Variants in TBP observed in about 807,000 individuals in gnomAD.
TBP encodes TATA-box binding protein, also known as TATA-box-binding protein.
In TBP, 12 loss-of-function variants were observed where a neutral mutation model predicts 46.2. The observed-to-expected ratio is 0.26, with a 90% CI of 0.17 to 0.42. TBP has a LOEUF of 0.42. TBP is among the 10% of genes least tolerant of loss of function. The pLI, the probability that TBP is intolerant of heterozygous loss-of-function variation, is 1.00. For missense variants in TBP, 229 were observed against 403.1 expected (o/e 0.57, Z 3.70); for synonymous variants, 157 against 148.3 (o/e 1.06, Z -0.42).
chr6:170,570,500 C>G (rs748739331), intron 6 of TBP, among the ~76,000 whole-genome samples: 19 of 152,166 alleles, frequency 1.2e-4, no homozygotes, highest in African/African-American at 1.9e-4. Flanking sequence ...TGTTTTCAGT[C>G]TCTCCGAACT....
At chr6:170,555,852 A>G (rs117097771) in intron 1 of TBP, among the ~76,000 whole-genome samples, 6,157 of 152,290 alleles carry the variant, frequency 0.04, 157 homozygotes, top group Middle Eastern at 0.085. Context: ...TACCCTTCAT[A>G]TTGAACACTT....
Position 170,571,539 on chromosome 6 carries a change from G to T in TBP, c.940+35G>T, listed in dbSNP as rs61486120. 4,669 of 1,516,600 alleles carry T rather than the reference G, an allele frequency of 3.1e-3. 78 individuals carry two copies. The African/African-American group carries it at 0.045, about 15-fold the overall frequency. 93.9% of individuals were successfully genotyped at this position (1,516,600 alleles called of 1,614,324 possible). On this transcript the variant is annotated intron_variant, in intron 7 of 7. Coordinates refer to ENST00000392092, the MANE Select transcript of TBP (RefSeq NM_003194.5). ...AACAGGAAGTAGTATCTGAAAGTTT[G>T]TAAGTGTTTTGAGTATGGCATTTTC... is the stretch of plus-strand genomic sequence containing the variant.
Position 170,556,912 on chromosome 6 carries a change from C to T in TBP, c.-118C>T. 1 of 923,442 alleles carries T rather than the reference C, an allele frequency of 1.1e-6. No individual in the cohort carries two copies. The highest frequency in any genetic ancestry group is 1.7e-6 in the Non-Finnish European group (1 of 581,354). 57.2% of individuals were successfully genotyped at this position (923,442 alleles called of 1,614,324 possible). ...CTGTTTCTTGGCGTGTGAAGATAACCCAAGGAATTGAGGAAGTTGCTGAGA... is the reference window on the plus strand; with the variant it reads ...CTGTTTCTTGGCGTGTGAAGATAACTCAAGGAATTGAGGAAGTTGCTGAGA... On this transcript the variant is annotated 5_prime_UTR_variant, in exon 2 of 8. Transcript: ENST00000392092.
chr6:170,559,165 C>T (rs1315870519), intron 2 of TBP, among the ~76,000 whole-genome samples: 1 of 152,118 alleles, frequency 6.6e-6, no homozygotes, highest in Non-Finnish European at 1.5e-5. Context: ...TTCCTTGAGA[C>T]ACAACAATAT....
chr6:170,558,613 G>A (rs1175179192), intron 2 of TBP, among the ~76,000 whole-genome samples: 1 of 151,732 alleles, frequency 6.6e-6, no homozygotes, highest in Admixed American at 6.6e-5. Context: ...CTTGGGGTTA[G>A]ATTTTGGTAA....
At chr6:170,572,122 C>T in intron 7 of TBP, 64 bp from the exon 8 acceptor site, 1 of 1,273,320 alleles carries the variant, frequency 7.9e-7, no homozygotes, top group Non-Finnish European at 1.1e-6. Context: ...AAGAATTTTA[C>T]CATCTTAATA....
intron 3 of TBP, among the ~76,000 whole-genome samples, chr6:170,562,455 G>T (rs1038267869): frequency 2.0e-5 from 3 of 152,284 alleles, no homozygotes; most frequent in Non-Finnish European, 4.4e-5. Context: ...GTGGTCATTT[G>T]TGTTTACATA....
chr6:170,564,732 T>C lies in TBP; in HGVS notation c.585+100T>C, dbSNP rs1779212214. 15 of 742,552 alleles carry C rather than the reference T, an allele frequency of 2.0e-5. No homozygotes were observed. In the South Asian group the frequency reaches 2.4e-4, roughly 12 times the overall value. 46.0% of individuals were successfully genotyped at this position (742,552 alleles called of 1,614,324 possible). A position where few individuals can be genotyped will look rare whatever the true frequency, so the allele number is the denominator to read the frequency against. On this transcript the variant is annotated intron_variant, in intron 4 of 7. Transcript: ENST00000392092. Reference sequence around the variant, plus strand: ...TTTCACGCTATAAAACAAATGTCTGTAGATCAGGCCAGGCACAGTGGCTAA... The same window carrying C: ...TTTCACGCTATAAAACAAATGTCTGCAGATCAGGCCAGGCACAGTGGCTAA...
intron 3 of TBP, among the ~76,000 whole-genome samples, chr6:170,564,341 C>T (rs34485638): frequency 0.077 from 11,712 of 152,250 alleles, 591 homozygotes; most frequent in Non-Finnish European, 0.1. Context: ...GTAACTTCTA[C>T]CTCAGTGCGT....
intron 4 of TBP, among the ~76,000 whole-genome samples, chr6:170,565,487 C>T (rs1181114726): frequency 1.3e-5 from 2 of 152,158 alleles, no homozygotes; most frequent in African/African-American, 4.8e-5. Flanking sequence ...TGCCTGAGAT[C>T]TGAAAGACAG....
Position 170,572,266 on chromosome 6 carries a change from T to C in TBP, c.*1T>C, listed in dbSNP as rs1316496613. ...AAAGGGATTCAGGAAGACGACGTAA[T>C]GGCTCTCATGTACCCTTGCCTCCCC... On this transcript the variant is annotated 3_prime_UTR_variant, in exon 8 of 8. Transcript: ENST00000392092. 6.2e-7 allele frequency: 1 copy of C among 1,612,006 alleles called. No homozygotes were observed. The highest frequency in any genetic ancestry group is 1.1e-5 in the South Asian group (1 of 91,022).
chr6:170,566,784 A>G (rs1288680803), intron 4 of TBP, 134 bp from the exon 5 acceptor site: 3 of 612,298 alleles, frequency 4.9e-6, no homozygotes, highest in African/African-American at 1.8e-5. Flanking sequence ...ACAGAAATAC[A>G]GAACAAATAT....
chr6:170,561,175 G>A (rs1249803052), intron 2 of TBP, among the ~76,000 whole-genome samples: 1 of 152,166 alleles, frequency 6.6e-6, no homozygotes, highest in African/African-American at 2.4e-5. Flanking sequence ...AGCATTTTTA[G>A]CAATAAAGCA....
Position 170,564,604 on chromosome 6 carries a change from G to A in TBP, c.557G>A (p.Arg186His). The change falls in exon 4 of 8, where the codon CGT becomes CAT. Residue 186 changes from arginine to histidine, a missense_variant. Around this residue, in one of 4 missense-constraint regions of TBP, gnomAD observed 67 missense variants for 188.2 expected, o/e 0.36. Transcript: ENST00000392092. The stretch of plus-strand genomic sequence containing the variant: ...CTTGACCTAAAGACCATTGCACTTC[G>A]TGCCCGAAACGCCGAATATAATCCC... ...CKLDLKTIAL[R>H]ARNAEYNPKR... The A allele has an allele frequency of 6.2e-7, 1 of 1,610,440 alleles. No homozygotes were observed. The highest frequency in any genetic ancestry group is 8.5e-7 in the Non-Finnish European group (1 of 1,178,130).
At chr6:170,567,559 ATGT>A (rs1779287634) in intron 5 of TBP, 1 of 152,256 alleles carries the variant, frequency 6.6e-6, no homozygotes, top group South Asian at 2.1e-4. Flanking sequence ...TATGTGAAAA[ATGT>A]TGTAAATAAC....
intron 5 of TBP, among the ~76,000 whole-genome samples, chr6:170,567,666 G>A (rs1334192684): frequency 1.3e-5 from 2 of 152,198 alleles, no homozygotes; most frequent in South Asian, 2.1e-4. Context: ...TATTGGGCCT[G>A]GCAGCGTGAC....
Position 170,557,012 on chromosome 6 carries a change from A to T in TBP, c.-18A>T. The T allele has an allele frequency of 6.2e-7, 1 of 1,613,896 alleles. No homozygotes were observed. Among genetic ancestry groups the T allele is most frequent in the Non-Finnish European group, 8.5e-7 (1 of 1,179,894 alleles). On this transcript the variant is annotated 5_prime_UTR_variant, in exon 2 of 8. Coordinates refer to ENST00000392092, the MANE Select transcript of TBP (RefSeq NM_003194.5). ...CCAGCGCAAGGGTTTCTGGTTTGCC[A>T]AGAAGAAAGTGAACATCATGGATCA...
At chr6:170,562,696 G>A (rs917383265) in intron 3 of TBP, among the ~76,000 whole-genome samples, 2 of 152,212 alleles carry the variant, frequency 1.3e-5, no homozygotes, top group Non-Finnish European at 1.5e-5. Context: ...ACAAAATGAA[G>A]ACGACTGTTT....
chr6:170,567,978 A>G (rs1779296166), intron 5 of TBP, among the ~76,000 whole-genome samples: 1 of 152,214 alleles, frequency 6.6e-6, no homozygotes, highest in Non-Finnish European at 1.5e-5. Context: ...ATGTACTTGG[A>G]GGTATCAACA....
Sources: gnomAD v4.1 joint callset for allele counts (sites outside exome capture counted in the v4.1 genomes callset) on GRCh38, gnomAD v4.1.1 for gene constraint, gnomAD v4.1.1 regional missense constraint, MANE v1.5 for transcripts, NCBI Gene and HGNC (gene_info 2026-07-23, HGNC 2026-07-21) for gene names.